The following ARHGAP39 variants were observed in gnomAD, a reference collection of about 807,000 sequenced individuals.
The protein encoded by ARHGAP39 is rho GTPase-activating protein 39.
Under a neutral mutation model 106.9 loss-of-function variants are expected in ARHGAP39, and 44 were observed. That is an observed-to-expected ratio of 0.41 (90% CI 0.32 to 0.53). The LOEUF (loss-of-function observed/expected upper bound fraction) is 0.53, where lower values mean the gene tolerates loss of function less well. Ranked by LOEUF, ARHGAP39 falls within the 20% of genes least tolerant of loss-of-function variation. ARHGAP39 has a pLI of 0.21. For synonymous variants in ARHGAP39, 768 were observed against 693.2 expected (o/e 1.11, Z -1.69); for missense variants, 1,496 against 1,577.3 (o/e 0.95, Z 0.87).
intron 1 of ARHGAP39, among the ~76,000 whole-genome samples, chr8:144,612,116 G>C (rs1820510952): frequency 6.6e-6 from 1 of 152,162 alleles, no homozygotes; most frequent in Admixed American, 6.5e-5. Flanking sequence ...CAGGGCAACA[G>C]AGTGAAGTGA....
At chr8:144,633,369 G>A (rs886091844) in intron 1 of ARHGAP39, among the ~76,000 whole-genome samples, 1 of 152,166 alleles carries the variant, frequency 6.6e-6, no homozygotes, top group Non-Finnish European at 1.5e-5. Context: ...TGAGGCAGGA[G>A]AATCGCTTGA....
rs1816760353 is a variant in ARHGAP39 at position 144,532,346 on chromosome 8, T to C, written c.2939A>G (p.Gln980Arg). The change falls in exon 10 of 12, where the codon CAG becomes CGG. Residue 980 changes from glutamine (Q) to arginine (R), a missense_variant. Physicochemically the swap from Gln to Arg is conservative, Grantham distance 43. This residue lies in a region of ARHGAP39 where 470 missense variants were observed against 605.1 expected (regional missense o/e 0.78). Coordinates refer to ENST00000377307, the MANE Select transcript of ARHGAP39 (RefSeq NM_025251.3). ...EVNALKLQVD[Q>R]WKVPTGLEDP... ...TTCCAGGCCTGTGGGCACCTTCCACTGGTCCACCTGCAGCTTCAGGGCATT... is the reference window on the plus strand; with the variant it reads ...TTCCAGGCCTGTGGGCACCTTCCACCGGTCCACCTGCAGCTTCAGGGCATT... 1.9e-6 allele frequency: 3 copies of C among 1,612,426 alleles called. No individual in the cohort carries two copies. The highest frequency in any genetic ancestry group is 1.7e-5 in the Admixed American group (1 of 59,916).
intron 1 of ARHGAP39, among the ~76,000 whole-genome samples, chr8:144,652,906 C>G (rs1050169061): frequency 6.6e-6 from 1 of 151,660 alleles, no homozygotes; most frequent in Non-Finnish European, 1.5e-5. Context: ...TGTACCCCCC[C>G]GAATCTAAAA....
rs1275121014 is a variant in ARHGAP39, at chr8:144,647,227, A to C, written c.-82+38459T>G. On this transcript the variant is annotated intron_variant, in intron 1 of 11. Transcript: ENST00000377307. The surrounding 1 kb of genome is among the most constrained non-coding windows in gnomAD (Gnocchi z 4.8). ...CATGATCCGCGTGCCTCAGCCTCCCAAACTGCTGGGATTACAGCCGTGAGC... is the reference window on the plus strand; with the variant it reads ...CATGATCCGCGTGCCTCAGCCTCCCCAACTGCTGGGATTACAGCCGTGAGC... Among the ~76,000 whole-genome samples the C allele has an allele frequency of 6.6e-6, 1 of 152,022 alleles. No homozygotes were observed. The highest frequency in any genetic ancestry group is 1.5e-5 in the Non-Finnish European group (1 of 68,002).
At chr8:144,685,648 G>C (rs1309968310) in intron 1 of ARHGAP39, among the ~76,000 whole-genome samples, 38 bp downstream of exon 1, 1 of 148,240 alleles carries the variant, frequency 6.7e-6, no homozygotes, top group Non-Finnish European at 1.5e-5. Context: ...CCATCTTCTT[G>C]GCCCGCGCCG....
chr8:144,622,086 G>A (rs911053137), intron 1 of ARHGAP39, among the ~76,000 whole-genome samples: 5 of 152,166 alleles, frequency 3.3e-5, no homozygotes, highest in Non-Finnish European at 5.9e-5. Context: ...AAAGAGGAAA[G>A]GGACAGACAC....
In ARHGAP39 at chr8:144,628,728, A is replaced by G. The variant is rs181797893; in HGVS notation, c.-81-23033T>C. Among the ~76,000 whole-genome samples the G allele has an allele frequency of 9.2e-5, 14 of 152,246 alleles. No individual in the cohort carries two copies. In the East Asian group the frequency reaches 2.7e-3, roughly 29 times the overall value. ...CTCTAAATAACCCATGGGCCAAAGA[A>G]CTACCCCAGGCTGCTGAATTCCTTG... is the stretch of plus-strand genomic sequence containing the variant. On this transcript the variant is annotated intron_variant, in intron 1 of 11. Coordinates refer to ENST00000377307, the MANE Select transcript of ARHGAP39 (RefSeq NM_025251.3).
intron 1 of ARHGAP39, among the ~76,000 whole-genome samples, chr8:144,627,666 G>A (rs1035199254): frequency 2.6e-5 from 4 of 152,162 alleles, no homozygotes; most frequent in African/African-American, 9.7e-5. Context: ...GCTGAGGTGG[G>A]AGGATCACTT....
intron 1 of ARHGAP39, among the ~76,000 whole-genome samples, chr8:144,615,937 G>C (rs772993317): frequency 3.9e-5 from 6 of 152,236 alleles, no homozygotes; most frequent in Admixed American, 1.3e-4. Flanking sequence ...GAGGGGTTTA[G>C]AGCTGTGACC....
chr8:144,590,872 T>C (rs1586586596), intron 2 of ARHGAP39, among the ~76,000 whole-genome samples: 1 of 151,976 alleles, frequency 6.6e-6, no homozygotes, highest in South Asian at 2.1e-4. Context: ...TCGACCGCCC[T>C]GGGGTCCAGC....
Position 144,581,875 on chromosome 8 carries a change from C to T in ARHGAP39, c.81-598G>A, listed in dbSNP as rs558347720. 3.3e-5 allele frequency among the ~76,000 whole-genome samples: 5 copies of T among 152,222 alleles called. No individual in the cohort carries two copies. In the South Asian group the frequency reaches 6.2e-4, roughly 19 times the overall value. On this transcript the variant is annotated intron_variant, in intron 2 of 11. Coordinates refer to ENST00000377307, the MANE Select transcript of ARHGAP39 (RefSeq NM_025251.3). Reference sequence around the variant, plus strand: ...GGGGGCACAGCCTCCAGCTCAGTAACGTTTCTGAGGCCTCTTCCATGTTTC... The same window carrying T: ...GGGGGCACAGCCTCCAGCTCAGTAATGTTTCTGAGGCCTCTTCCATGTTTC...
intron 4 of ARHGAP39, 44 bp downstream of exon 4, chr8:144,555,516 C>A (rs112049355): frequency 3.9e-6 from 6 of 1,542,720 alleles, no homozygotes; most frequent in African/African-American, 2.7e-5. Context: ...ACTGAGGAAG[C>A]CGCCCTCCAT....
intron 1 of ARHGAP39, among the ~76,000 whole-genome samples, chr8:144,614,451 C>A (rs901377775): frequency 1.3e-5 from 2 of 151,972 alleles, no homozygotes; most frequent in East Asian, 3.9e-4. Context: ...CTCCCGGGTT[C>A]AAGTGATTCC....
rs1456858031 is a variant in ARHGAP39, at chr8:144,561,623, CGG to C, written c.513-5982_513-5981del. Among the ~76,000 whole-genome samples the C allele has an allele frequency of 2.6e-4, 39 of 148,754 alleles. 1 individual carries two copies. In the South Asian group the frequency reaches 5.4e-3, roughly 20 times the overall value. On this transcript the variant is annotated intron_variant, in intron 3 of 11. Coordinates refer to ENST00000377307, the MANE Select transcript of ARHGAP39 (RefSeq NM_025251.3). ...TCCATCGCGCTCCAGTGGTTTCCAT[CGG>C]ACCCCAGTGGTTTCCATCGCGCTCC...
In ARHGAP39 at chr8:144,671,349, T is replaced by C. The variant is rs551246212; in HGVS notation, c.-82+14337A>G. Among the ~76,000 whole-genome samples, 1 of 152,194 alleles carries C rather than the reference T, an allele frequency of 6.6e-6. No homozygotes were observed. Among genetic ancestry groups the C allele is most frequent in the East Asian group, 1.9e-4 (1 of 5,200 alleles). ...GTTCTGATGTTTTCCGCAAAAGAAA[T>C]GAACGAATAAAGCTGGAGTTAGAAA... On this transcript the variant is annotated intron_variant, in intron 1 of 11. Transcript: ENST00000377307. The surrounding 1 kb of genome is among the most constrained non-coding windows in gnomAD (Gnocchi z 4.5).
intron 1 of ARHGAP39, among the ~76,000 whole-genome samples, chr8:144,682,297 C>T (rs566675363): frequency 4.9e-5 from 7 of 142,282 alleles, no homozygotes; most frequent in African/African-American, 1.6e-4. Context: ...CTCCTGTAAT[C>T]CCAGCACTTT....
intron 1 of ARHGAP39, among the ~76,000 whole-genome samples, chr8:144,610,450 G>A (rs1243774227): frequency 6.6e-6 from 1 of 152,116 alleles, no homozygotes; most frequent in Non-Finnish European, 1.5e-5. Context: ...GGTGGCCCAC[G>A]CCTGTAATCC....
intron 2 of ARHGAP39, among the ~76,000 whole-genome samples, chr8:144,599,986 G>T (rs1308430826): frequency 6.6e-6 from 1 of 152,248 alleles, no homozygotes; most frequent in Non-Finnish European, 1.5e-5. Context: ...CTGTGGGAGG[G>T]ACGGGACTGG....
chr8:144,553,382 C>A (rs1481822162), intron 4 of ARHGAP39, among the ~76,000 whole-genome samples: 1 of 152,200 alleles, frequency 6.6e-6, no homozygotes, highest in Non-Finnish European at 1.5e-5. Context: ...GCAACTCTGG[C>A]GAGCGTGAGT....
Sources: gnomAD v4.1 joint callset for allele counts (sites outside exome capture counted in the v4.1 genomes callset) on GRCh38, gnomAD v4.1.1 for gene constraint, gnomAD v4.1.1 regional missense constraint, Gnocchi (gnomAD v3.1) non-coding constraint, MANE v1.5 for transcripts, NCBI Gene and HGNC (gene_info 2026-07-23, HGNC 2026-07-21) for gene names.